Variants in SUCLG2 observed in about 807,000 individuals in gnomAD.
SUCLG2 encodes succinate--CoA ligase [GDP-forming] subunit beta, mitochondrial.
Under a neutral mutation model 47.9 loss-of-function variants are expected in SUCLG2, and 42 were observed. The observed-to-expected ratio is 0.88, with a 90% confidence interval of 0.69 to 1.14. SUCLG2 has a LOEUF of 1.14. Among genes scored for constraint, SUCLG2 ranks in the 50% most tolerant of loss-of-function variants. The pLI is 0.00. For synonymous variants in SUCLG2, 195 were observed against 197.3 expected (o/e 0.99, Z 0.10); for missense variants, 571 against 525.9 (o/e 1.09, Z -0.84).
chr3:67,425,052 G>T (rs1274837596), intron 9 of SUCLG2, among the ~76,000 whole-genome samples: 2 of 150,088 alleles, frequency 1.3e-5, no homozygotes, highest in Non-Finnish European at 3.0e-5. Flanking sequence ...TTTAGCCAGA[G>T]AATCATTTTG....
chr3:67,451,937 C>A (rs561801830), intron 9 of SUCLG2, among the ~76,000 whole-genome samples: 1 of 152,222 alleles, frequency 6.6e-6, no homozygotes, highest in Non-Finnish European at 1.5e-5. Flanking sequence ...ACCAGGATAA[C>A]TGAAAGAGTT....
rs544225486 is a variant in SUCLG2, at chr3:67,529,995, A to G, written c.227-809T>C. Among the ~76,000 whole-genome samples the G allele has an allele frequency of 2.0e-5, 3 of 152,374 alleles. No individual in the cohort carries two copies. The East Asian group carries it at 5.8e-4, about 29-fold the overall frequency. ...CACCAAAACAAAACAAAACAACAAC[A>G]AACAAAAAACTGCCTCCAAATCAAA... On this transcript the variant is annotated intron_variant, in intron 2 of 10. Coordinates refer to ENST00000307227, the MANE Select transcript of SUCLG2 (RefSeq NM_003848.4).
intron 10 of SUCLG2, among the ~76,000 whole-genome samples, chr3:67,377,690 G>A (rs1393576249): frequency 6.6e-6 from 1 of 152,132 alleles, no homozygotes; most frequent in Non-Finnish European, 1.5e-5. Flanking sequence ...CTCTCGCTGT[G>A]TCACCCAAGA....
At chr3:67,388,728 G>A (rs1033209224) in intron 10 of SUCLG2, among the ~76,000 whole-genome samples, 1 of 152,200 alleles carries the variant, frequency 6.6e-6, no homozygotes, top group African/African-American at 2.4e-5. Context: ...AGTGCCTAGT[G>A]TAGCTCTGCT....
intron 10 of SUCLG2, among the ~76,000 whole-genome samples, chr3:67,400,200 C>T (rs777759408): frequency 6.6e-6 from 1 of 151,888 alleles, no homozygotes; most frequent in East Asian, 1.9e-4. Flanking sequence ...ATTATTCTTA[C>T]TAAAAATTTT....
intron 10 of SUCLG2, among the ~76,000 whole-genome samples, chr3:67,382,008 C>T (rs1249585621): frequency 2.0e-5 from 3 of 152,108 alleles, no homozygotes; most frequent in African/African-American, 7.2e-5. Flanking sequence ...CGCCTCCTGC[C>T]TTTTATCATA....
intron 9 of SUCLG2, among the ~76,000 whole-genome samples, chr3:67,416,338 C>A (rs1703038205): frequency 6.6e-6 from 1 of 152,208 alleles, no homozygotes; most frequent in African/African-American, 2.4e-5. Flanking sequence ...TTAATGACCA[C>A]ATATGAAAAT....
chr3:67,564,000 G>T (rs993214459), intron 2 of SUCLG2, among the ~76,000 whole-genome samples: 5 of 150,318 alleles, frequency 3.3e-5, no homozygotes, highest in Non-Finnish European at 5.9e-5. Flanking sequence ...AAGAAAAGAA[G>T]TACTAGTTGT....
In SUCLG2 at chr3:67,408,959, A is replaced by G. The variant is rs1054892234; in HGVS notation, c.1063-8108T>C. On this transcript the variant is annotated intron_variant, in intron 9 of 10. Transcript: ENST00000307227. ...GGAGTTCCAGCTCCATATTGGTCCT[A>G]TTTCCAAGCTTCAAGAACGTGCTTC... The G allele has an allele frequency of 1.1e-5, 17 of 1,534,648 alleles. No homozygotes were observed. The African/African-American group carries it at 2.2e-4, about 20-fold the overall frequency.
intron 10 of SUCLG2, chr3:67,376,260 A>C (rs975961195): frequency 1.0e-6 from 1 of 985,428 alleles, no homozygotes; most frequent in Non-Finnish European, 1.2e-6. Flanking sequence ...CTGCCCAGCT[A>C]TGTCCACAAA....
intron 9 of SUCLG2, among the ~76,000 whole-genome samples, chr3:67,411,368 T>C (rs1213147391): frequency 6.6e-6 from 1 of 152,058 alleles, no homozygotes; most frequent in Non-Finnish European, 1.5e-5. Context: ...TGTAAAACGA[T>C]GGTGGAATAT....
chr3:67,360,885 G>A (rs1701794191), intron 10 of SUCLG2: 2 of 845,650 alleles, frequency 2.4e-6, no homozygotes. Flanking sequence ...GAAACATCGT[G>A]TTACTGATTC....
chr3:67,544,088 A>T (rs1290985283), intron 2 of SUCLG2, among the ~76,000 whole-genome samples: 5 of 152,196 alleles, frequency 3.3e-5, no homozygotes, highest in African/African-American at 1.2e-4. Flanking sequence ...AATTCAAAAA[A>T]TTTTTTTAAA....
At chr3:67,364,808 A>T (rs1195419251) in intron 10 of SUCLG2, among the ~76,000 whole-genome samples, 4 of 152,236 alleles carry the variant, frequency 2.6e-5, no homozygotes, top group African/African-American at 9.6e-5. Flanking sequence ...GAATGAAAAA[A>T]AAGGTGATCC....
chr3:67,514,072 C>A, intron 6 of SUCLG2: 1 of 342,152 alleles, frequency 2.9e-6, no homozygotes, highest in Non-Finnish European at 5.8e-6. Flanking sequence ...ACAGCTGAAA[C>A]AGCAGTACTT....
chr3:67,401,078 A>T (rs575111621), intron 9 of SUCLG2, among the ~76,000 whole-genome samples: 1 of 151,850 alleles, frequency 6.6e-6, no homozygotes, highest in African/African-American at 2.4e-5. Context: ...CCCATCAATC[A>T]CTCTTTTCAA....
At chr3:67,596,493 G>A (rs142952888) in intron 2 of SUCLG2, among the ~76,000 whole-genome samples, 1 of 152,122 alleles carries the variant, frequency 6.6e-6, no homozygotes, top group Non-Finnish European at 1.5e-5. Context: ...TTCCAAGAAG[G>A]CTTCCCTGAC....
intron 4 of SUCLG2, among the ~76,000 whole-genome samples, chr3:67,525,714 A>C (rs1163519303): frequency 4.6e-5 from 7 of 152,202 alleles, no homozygotes; most frequent in African/African-American, 1.7e-4. Context: ...TTTATTATGT[A>C]GGGCAACGTA....
intron 2 of SUCLG2, among the ~76,000 whole-genome samples, chr3:67,566,516 T>C (rs2107227210): frequency 6.6e-6 from 1 of 152,302 alleles, no homozygotes; most frequent in Admixed American, 6.5e-5. Context: ...TTAAAGGAGT[T>C]TCAACTTTTT....
Sources: gnomAD v4.1 joint callset for allele counts (sites outside exome capture counted in the v4.1 genomes callset) on GRCh38, gnomAD v4.1.1 for gene constraint, MANE v1.5 for transcripts, NCBI Gene and HGNC (gene_info 2026-07-23, HGNC 2026-07-21) for gene names.